Variants in ZNF438 observed in about 807,000 individuals in gnomAD.
ZNF438 encodes zinc finger protein 438.
ZNF438 carries 25 observed loss-of-function variants against 38.0 expected under a neutral mutation model. That is an observed-to-expected ratio of 0.66 (90% CI 0.48 to 0.92). ZNF438 has a LOEUF of 0.92. ZNF438 is among the 40% of genes least tolerant of loss of function. ZNF438 has a pLI of 0.00. For missense variants in ZNF438, 1,007 were observed against 999.6 expected (o/e 1.01, Z -0.10); for synonymous variants, 372 against 364.1 (o/e 1.02, Z -0.25).
intron 2 of ZNF438, among the ~76,000 whole-genome samples, chr10:30,934,299 T>C (rs2046004709): frequency 6.6e-6 from 1 of 152,162 alleles, no homozygotes; most frequent in Non-Finnish European, 1.5e-5. Context: ...TATCTGTGTA[T>C]CTGAAGCATA....
At chr10:31,018,854 T>C (rs1419096922) in intron 1 of ZNF438, among the ~76,000 whole-genome samples, 2 of 152,042 alleles carry the variant, frequency 1.3e-5, no homozygotes, top group African/African-American at 4.8e-5. Context: ...TGCTTTCAGT[T>C]AGGGGGAAAG....
chr10:30,858,050 T>C (rs1205923838), intron 4 of ZNF438, among the ~76,000 whole-genome samples: 2 of 152,212 alleles, frequency 1.3e-5, no homozygotes, highest in Admixed American at 6.5e-5. Flanking sequence ...AGTTCCATTA[T>C]TCCATCTGCT....
chr10:30,888,427 CTCATG>C (rs1163910635), intron 3 of ZNF438, among the ~76,000 whole-genome samples: 1 of 151,542 alleles, frequency 6.6e-6, no homozygotes, highest in Non-Finnish European at 1.5e-5. Context: ...TATAGGTAAA[CTCATG>C]TCATGGGAGT....
intron 1 of ZNF438, among the ~76,000 whole-genome samples, chr10:30,998,083 A>G (rs1474963121): frequency 6.6e-6 from 1 of 152,256 alleles, no homozygotes; most frequent in African/African-American, 2.4e-5. Context: ...ATAGAAAGAA[A>G]GATACTTTCA....
At chr10:30,865,753 T>C (rs771484967) in intron 4 of ZNF438, among the ~76,000 whole-genome samples, 33 of 152,206 alleles carry the variant, frequency 2.2e-4, no homozygotes, top group Non-Finnish European at 4.3e-4. Context: ...ATTTCGTGTA[T>C]GATAGAGAGT....
At chr10:31,019,488 C>T (rs562834263) in intron 1 of ZNF438, among the ~76,000 whole-genome samples, 8 of 152,260 alleles carry the variant, frequency 5.3e-5, no homozygotes, top group African/African-American at 1.9e-4. Flanking sequence ...ATGAATTGGA[C>T]ACCACAGACA....
chr10:30,870,707 T>C lies in ZNF438; in HGVS notation c.37+6291A>G, dbSNP rs1417062676. Among the ~76,000 whole-genome samples the C allele has an allele frequency of 2.0e-5, 3 of 152,212 alleles. No individual in the cohort carries two copies. The East Asian group carries it at 5.8e-4, about 29-fold the overall frequency. On this transcript the variant is annotated intron_variant, in intron 4 of 5. Coordinates refer to ENST00000413025, the Ensembl canonical transcript of ZNF438. ...GTCATGTATCAGCTGTTGACAAAAA[T>C]GTTGTGACTAGAGGCTCACAAGAAC... is the stretch of plus-strand genomic sequence containing the variant.
intron 1 of ZNF438, among the ~76,000 whole-genome samples, chr10:30,978,517 G>A (rs990556293): frequency 1.3e-5 from 2 of 152,012 alleles, no homozygotes; most frequent in Non-Finnish European, 2.9e-5. Context: ...TTTTCAGTGG[G>A]TTTGGACAAA....
chr10:30,861,607 G>T (rs931813471), intron 4 of ZNF438, among the ~76,000 whole-genome samples: 1 of 152,044 alleles, frequency 6.6e-6, no homozygotes, highest in Non-Finnish European at 1.5e-5. Context: ...CATTTAAAAA[G>T]CTTTACCACT....
chr10:31,020,763 T>C (rs2056536612), intron 1 of ZNF438, among the ~76,000 whole-genome samples: 1 of 151,660 alleles, frequency 6.6e-6, no homozygotes, highest in Admixed American at 6.6e-5. Context: ...TTGTTCATAA[T>C]GTTAATGTTA....
At chr10:30,860,287 C>G (rs2133122153) in intron 4 of ZNF438, among the ~76,000 whole-genome samples, 1 of 152,312 alleles carries the variant, frequency 6.6e-6, no homozygotes, top group Non-Finnish European at 1.5e-5. Flanking sequence ...ACTCTATTAG[C>G]ATTAGATGAC....
intron 1 of ZNF438, among the ~76,000 whole-genome samples, chr10:30,949,725 A>G (rs2047928214): frequency 6.6e-6 from 1 of 152,154 alleles, no homozygotes; most frequent in Non-Finnish European, 1.5e-5. Flanking sequence ...CACCCAATAC[A>G]GGAGCACCCA....
At chr10:30,903,096 C>T (rs936084382) in intron 3 of ZNF438, among the ~76,000 whole-genome samples, 8 of 152,302 alleles carry the variant, frequency 5.3e-5, no homozygotes, top group African/African-American at 9.6e-5. Context: ...GCTCCCAGTG[C>T]GGGGCCCGCC....
chr10:30,915,192 G>T (rs2043481420), intron 2 of ZNF438, among the ~76,000 whole-genome samples: 1 of 152,014 alleles, frequency 6.6e-6, no homozygotes, highest in African/African-American at 2.4e-5. Context: ...TGTGCCCTAT[G>T]AAGTTTAAGA....
Position 30,864,062 on chromosome 10 carries a change from G to A in ZNF438, c.37+12936C>T, listed in dbSNP as rs2036019064. 2.0e-5 allele frequency among the ~76,000 whole-genome samples: 3 copies of A among 152,066 alleles called. No homozygotes were observed. The South Asian group carries it at 6.2e-4, about 32-fold the overall frequency. On this transcript the variant is annotated intron_variant, in intron 4 of 5. Coordinates refer to ENST00000413025, the Ensembl canonical transcript of ZNF438. ...CTATCCCCAGGGCCATCTCTCTCTTGCCAATGTTTTTTGACATTGACTTCG... is the reference window on the plus strand; with the variant it reads ...CTATCCCCAGGGCCATCTCTCTCTTACCAATGTTTTTTGACATTGACTTCG...
intron 1 of ZNF438, among the ~76,000 whole-genome samples, chr10:31,009,015 T>A (rs1280170114): frequency 6.6e-6 from 1 of 152,222 alleles, no homozygotes; most frequent in Non-Finnish European, 1.5e-5. Flanking sequence ...AGTGACAACG[T>A]TGAGCATCTT....
intron 3 of ZNF438, among the ~76,000 whole-genome samples, chr10:30,899,054 A>G (rs2041692698): frequency 6.6e-6 from 1 of 152,132 alleles, no homozygotes; most frequent in Admixed American, 6.5e-5. Context: ...TCTTTGCACA[A>G]TTTAATTCTC....
At chr10:30,998,359 T>A (rs966529157) in intron 1 of ZNF438, among the ~76,000 whole-genome samples, 1 of 151,022 alleles carries the variant, frequency 6.6e-6, no homozygotes, top group Admixed American at 6.6e-5. Flanking sequence ...GCTAACACAG[T>A]GAAACCCCGT....
intron 3 of ZNF438, among the ~76,000 whole-genome samples, chr10:30,904,636 G>A (rs1249813379): frequency 1.3e-5 from 2 of 152,060 alleles, no homozygotes; most frequent in African/African-American, 4.8e-5. Flanking sequence ...TCCACACTCT[G>A]GTCTGGACCT....
Sources: allele counts gnomAD v4.1 joint callset (sites outside exome capture counted in the v4.1 genomes callset), GRCh38; gene constraint gnomAD v4.1.1; transcripts MANE v1.5; gene names NCBI Gene and HGNC (gene_info 2026-07-23, HGNC 2026-07-21).